Variants in VTI1A observed in about 807,000 individuals in gnomAD.
The protein encoded by VTI1A is vesicle transport through interaction with t-SNAREs homolog 1A.
In VTI1A, 22 loss-of-function variants were observed where a neutral mutation model predicts 34.9. The ratio of observed to expected loss-of-function variants is 0.63; its 90% CI spans 0.45 to 0.90. VTI1A has a LOEUF of 0.90. Among genes scored for constraint, VTI1A ranks in the 40% least tolerant of loss-of-function variants. VTI1A has a pLI of 0.00. For synonymous variants in VTI1A, 87 were observed against 97.3 expected (o/e 0.89, Z 0.62); for missense variants, 268 against 275.6 (o/e 0.97, Z 0.20).
intron 7 of VTI1A, among the ~76,000 whole-genome samples, chr10:112,685,995 GC>G (rs1848395312): frequency 6.6e-6 from 1 of 152,132 alleles, no homozygotes; most frequent in Non-Finnish European, 1.5e-5. Context: ...AGTGCATGAT[GC>G]CATACCTTCT....
intron 3 of VTI1A, among the ~76,000 whole-genome samples, chr10:112,469,765 G>A (rs976205290): frequency 9.9e-5 from 15 of 152,100 alleles, no homozygotes; most frequent in Admixed American, 9.8e-4. Flanking sequence ...GACCTCGTGG[G>A]GTCCCATCCT....
At chr10:112,559,642 C>T (rs1484680004) in intron 5 of VTI1A, among the ~76,000 whole-genome samples, 1 of 152,166 alleles carries the variant, frequency 6.6e-6, no homozygotes. Flanking sequence ...AGTGGATTAT[C>T]TCTTTATCAG....
At chr10:112,655,712 G>A (rs1439346842) in intron 5 of VTI1A, among the ~76,000 whole-genome samples, 1 of 152,130 alleles carries the variant, frequency 6.6e-6, no homozygotes, top group Non-Finnish European at 1.5e-5. Context: ...AAGGCCCAGA[G>A]CTAAAGGGGT....
intron 7 of VTI1A, chr10:112,752,413 G>C: frequency 5.1e-6 from 5 of 985,348 alleles, no homozygotes; most frequent in Non-Finnish European, 6.0e-6. Context: ...TCTCTTTACC[G>C]GGGAGTCAGC....
chr10:112,786,668 A>G (rs1392214813), intron 7 of VTI1A, among the ~76,000 whole-genome samples: 1 of 152,156 alleles, frequency 6.6e-6, no homozygotes, highest in African/African-American at 2.4e-5. Flanking sequence ...CATTTTGCCA[A>G]GTGTTTTTTC....
intron 7 of VTI1A, chr10:112,736,978 T>C: frequency 1.7e-6 from 1 of 595,456 alleles, no homozygotes; most frequent in South Asian, 2.1e-5. Flanking sequence ...TCTGGGTGAT[T>C]TATCTGGTCC....
chr10:112,770,695 G>A (rs1851788508), intron 7 of VTI1A, among the ~76,000 whole-genome samples: 1 of 151,818 alleles, frequency 6.6e-6, no homozygotes, highest in Admixed American at 6.6e-5. Context: ...CTTGAGCCAC[G>A]GCACCTGGCC....
chr10:112,770,577 T>A lies in VTI1A; in HGVS notation c.561-44713T>A, dbSNP rs565038912. On this transcript the variant is annotated intron_variant, in intron 7 of 7. Transcript: ENST00000393077. ...CGCCCGGCTAATTTTTTTTTTTTTT[T>A]ATGTATTTTTAGTAGAGATAGGGTT... Among the ~76,000 whole-genome samples the A allele has an allele frequency of 2.0e-4, 30 of 150,944 alleles. 1 individual carries two copies. Among genetic ancestry groups the A allele is most frequent in the South Asian group, 4.2e-4 (2 of 4,752 alleles).
At chr10:112,516,701 G>A (rs1488329721) in intron 3 of VTI1A, among the ~76,000 whole-genome samples, 2 of 151,998 alleles carry the variant, frequency 1.3e-5, no homozygotes, top group Non-Finnish European at 2.9e-5. Flanking sequence ...CAAACATACT[G>A]GAAATAGAGC....
downstream of VTI1A, among the ~76,000 whole-genome samples, chr10:112,822,408 G>C (rs1171999585): frequency 6.6e-6 from 1 of 152,214 alleles, no homozygotes; most frequent in Non-Finnish European, 1.5e-5. Flanking sequence ...GATCGAGAAA[G>C]AGCAGGGAGG....
At chr10:112,637,616 G>T (rs754011522) in intron 5 of VTI1A, among the ~76,000 whole-genome samples, 1 of 151,898 alleles carries the variant, frequency 6.6e-6, no homozygotes, top group East Asian at 1.9e-4. Flanking sequence ...CCGAGATCGC[G>T]CTACTGCACT....
chr10:112,848,212 C>G, the VTI1A span, among the ~76,000 whole-genome samples: 2 of 152,230 alleles, frequency 1.3e-5, no homozygotes, highest in Admixed American at 1.3e-4. Flanking sequence ...AGTTCTGTAA[C>G]TGGCAGCAGT....
intron 7 of VTI1A, among the ~76,000 whole-genome samples, chr10:112,684,608 T>C (rs1229485209): frequency 4.6e-5 from 7 of 151,986 alleles, no homozygotes; most frequent in African/African-American, 1.2e-4. Context: ...CCAGCTAACT[T>C]TTTTGTATTT....
At chr10:112,752,543 C>T (rs1851138986) in intron 7 of VTI1A, 1 of 985,324 alleles carries the variant, frequency 1.0e-6, no homozygotes, top group African/African-American at 1.7e-5. Context: ...AGGTATGATT[C>T]TCCTTCAGGG....
the VTI1A span, among the ~76,000 whole-genome samples, chr10:112,849,947 C>G: frequency 6.6e-6 from 1 of 152,110 alleles, no homozygotes. Flanking sequence ...GTAGGGCTCC[C>G]CCGGAAGGCG....
intron 7 of VTI1A, among the ~76,000 whole-genome samples, chr10:112,675,860 G>A (rs1848007101): frequency 6.6e-6 from 1 of 152,178 alleles, no homozygotes; most frequent in Admixed American, 6.5e-5. Context: ...CCGCTTTTTA[G>A]CTAGTAACCT....
intron 5 of VTI1A, among the ~76,000 whole-genome samples, chr10:112,557,251 G>A (rs1275151740): frequency 2.0e-5 from 3 of 152,014 alleles, no homozygotes; most frequent in Admixed American, 6.6e-5. Context: ...GTTTAGTGGC[G>A]TGCTATTCCA....
the VTI1A span, among the ~76,000 whole-genome samples, chr10:112,832,988 G>A: frequency 5.3e-5 from 8 of 152,090 alleles, no homozygotes; most frequent in African/African-American, 1.9e-4. Flanking sequence ...GCAGGAAACT[G>A]TCCATGAAAA....
intron 5 of VTI1A, among the ~76,000 whole-genome samples, chr10:112,613,183 T>C (rs1845384796): frequency 6.6e-6 from 1 of 152,196 alleles, no homozygotes. Context: ...GGATATACTA[T>C]TTTATACCAT....
Sources: gnomAD v4.1 joint callset for allele counts (sites outside exome capture counted in the v4.1 genomes callset) on GRCh38, gnomAD v4.1.1 for gene constraint, MANE v1.5 for transcripts, NCBI Gene and HGNC (gene_info 2026-07-23, HGNC 2026-07-21) for gene names.